Variants in BRINP3 observed in about 807,000 individuals in gnomAD.
BRINP3 encodes the protein BMP/retinoic acid inducible neural specific 3.
BRINP3 carries 19 observed loss-of-function variants against 71.0 expected under a neutral mutation model. The ratio of observed to expected loss-of-function variants is 0.27; its 90% CI spans 0.19 to 0.39. The LOEUF (loss-of-function observed/expected upper bound fraction) is 0.39, where lower values mean the gene tolerates loss of function less well. BRINP3 is among the 10% of genes least tolerant of loss of function. The probability of loss-of-function intolerance (pLI) is 1.00; values close to 1 mark genes in which losing one functional copy is unlikely to be tolerated. For synonymous variants in BRINP3, 380 were observed against 337.7 expected, an observed-to-expected ratio of 1.13 and a Z score of -1.37; for missense variants, 959 against 940.8, an observed-to-expected ratio of 1.02 and a Z score of -0.25.
At chr1:190,346,786 T>A (rs1223543713) in intron 2 of BRINP3, among the ~76,000 whole-genome samples, 1 of 152,124 alleles carries the variant, frequency 6.6e-6, no homozygotes, top group Non-Finnish European at 1.5e-5. Context: ...TTACATCTTC[T>A]TAGTTAACCA....
chr1:190,239,577 G>C (rs1323447947), intron 4 of BRINP3, among the ~76,000 whole-genome samples: 1 of 151,994 alleles, frequency 6.6e-6, no homozygotes, highest in Non-Finnish European at 1.5e-5. Flanking sequence ...TCTAGGACAT[G>C]GTTGCTGAAA....
rs112829253 is a variant in BRINP3 at position 190,160,890 on chromosome 1, T to C, written c.962A>G (p.Asp321Gly). 1 of 1,585,514 alleles carries C rather than the reference T, an allele frequency of 6.3e-7. No individual in the cohort carries two copies. The highest frequency in any genetic ancestry group is 1.1e-5 in the South Asian group (1 of 86,982). Residue 321 changes from aspartate (D) to glycine (G), a missense_variant and splice_region_variant, in exon 7 of 8, where the codon GAT (aspartate) becomes GGT (glycine). Physicochemically the swap from Asp to Gly is moderately conservative, Grantham distance 94. Transcript: ENST00000367462. ...CCTTTTCATAAATAACTTGAATTCA[T>C]CTGAAAAATGTCAAAATTCAACACT... ...KAYNSDFEES[D>G]EFKLFMKRLP...
intron 1 of BRINP3, among the ~76,000 whole-genome samples, chr1:190,468,863 AT>A (rs959359058): frequency 2.9e-4 from 43 of 149,356 alleles, no homozygotes; most frequent in African/African-American, 5.6e-4. Context: ...TGTCCTTTAA[AT>A]TTTTTTTTTC....
intron 2 of BRINP3, among the ~76,000 whole-genome samples, chr1:190,346,266 A>G (rs1459971970): frequency 6.6e-6 from 1 of 152,044 alleles, no homozygotes; most frequent in African/African-American, 2.4e-5. Context: ...TATAATCAAA[A>G]AAGTGAAGAT....
chr1:190,434,197 C>A (rs768713811), intron 2 of BRINP3, among the ~76,000 whole-genome samples: 1 of 152,042 alleles, frequency 6.6e-6, no homozygotes, highest in African/African-American at 2.4e-5. Context: ...CGACTCACTG[C>A]AGCCTCCGCC....
rs544226361 is a variant in BRINP3, at chr1:190,247,810, G to C, written c.619-13333C>G. ...CTCCTCCAAGCTATTCCATGTTGGC[G>C]CGACATGATTCTACGGATTTTTAAA... On this transcript the variant is annotated intron_variant, in intron 4 of 7. Transcript: ENST00000367462. Among the ~76,000 whole-genome samples, 30 of 151,876 alleles carry C rather than the reference G, an allele frequency of 2.0e-4. No homozygotes were observed. In the South Asian group the frequency reaches 4.2e-3, roughly 21 times the overall value.
intron 2 of BRINP3, among the ~76,000 whole-genome samples, chr1:190,283,011 C>A (rs2102941460): frequency 6.6e-6 from 1 of 152,008 alleles, no homozygotes; most frequent in South Asian, 2.1e-4. Context: ...GAACAGTGTA[C>A]ATACTTCCAG....
intron 7 of BRINP3, among the ~76,000 whole-genome samples, chr1:190,156,694 T>C (rs927263641): frequency 1.2e-4 from 18 of 151,996 alleles, no homozygotes; most frequent in Non-Finnish European, 1.0e-4. Flanking sequence ...TGGTGACTAA[T>C]AGTCAACTTA....
chr1:190,108,078 G>A (rs1446809253), intron 7 of BRINP3, among the ~76,000 whole-genome samples: 1 of 149,244 alleles, frequency 6.7e-6, no homozygotes, highest in Non-Finnish European at 1.5e-5. Flanking sequence ...CAGAAACTGG[G>A]CCATTAAAAA....
At chr1:190,207,709 C>CT (rs1223275632) in intron 6 of BRINP3, among the ~76,000 whole-genome samples, 2 of 152,100 alleles carry the variant, frequency 1.3e-5, no homozygotes, top group Non-Finnish European at 2.9e-5. Flanking sequence ...TGTGGCTACA[C>CT]TTCACAAAGT....
intron 4 of BRINP3, among the ~76,000 whole-genome samples, chr1:190,237,165 T>C (rs533836564): frequency 1.3e-5 from 2 of 152,016 alleles, no homozygotes; most frequent in South Asian, 2.1e-4. Context: ...ATTCGCAATA[T>C]ACAATGATAT....
intron 1 of BRINP3, among the ~76,000 whole-genome samples, chr1:190,458,325 G>C (rs1571366421): frequency 6.6e-6 from 1 of 152,148 alleles, no homozygotes; most frequent in East Asian, 1.9e-4. Context: ...TGAACAAATT[G>C]AGATATCCCA....
At chr1:190,265,131 G>T in intron 3 of BRINP3, 76 bp from the exon 4 acceptor site, 1 of 1,314,178 alleles carries the variant, frequency 7.6e-7, no homozygotes, top group Admixed American at 2.4e-5. Flanking sequence ...AGGTGGAAAG[G>T]TCTAGCTTAT....
rs115654945 is a variant in BRINP3, at chr1:190,469,235, T to C, written c.-51+8213A>G. 7.1e-3 allele frequency among the ~76,000 whole-genome samples: 1,070 copies of C among 151,228 alleles called. 12 individuals are homozygous for C. Among genetic ancestry groups the C allele is most frequent in the African/African-American group, 0.025 (1,031 of 41,498 alleles). ...TGAAACATATAGTCTTCTTCCTCAT[T>C]ATTGTTTGGTATAATCTTGACAATA... On this transcript the variant is annotated intron_variant, in intron 1 of 7. Coordinates refer to ENST00000367462, the MANE Select transcript of BRINP3 (RefSeq NM_199051.3).
chr1:190,352,097 A>G (rs1218312675), intron 2 of BRINP3, among the ~76,000 whole-genome samples: 1 of 152,090 alleles, frequency 6.6e-6, no homozygotes, highest in African/African-American at 2.4e-5. Context: ...AAAATTCAGG[A>G]CAATGTATCA....
At chr1:190,100,977 G>A (rs147326113) in intron 7 of BRINP3, among the ~76,000 whole-genome samples, 2,629 of 152,154 alleles carry the variant, frequency 0.017, 71 homozygotes, top group African/African-American at 0.059. Flanking sequence ...TTGGGAGTTA[G>A]TTTCTTATAA....
At chr1:190,448,433 CT>C (rs972604661) in intron 2 of BRINP3, among the ~76,000 whole-genome samples, 2 of 148,968 alleles carry the variant, frequency 1.3e-5, no homozygotes, top group African/African-American at 4.9e-5. Flanking sequence ...TTTAAATAAT[CT>C]TTTTTCTTAA....
chr1:190,446,609 G>C (rs1224167514), intron 2 of BRINP3, among the ~76,000 whole-genome samples: 1 of 151,992 alleles, frequency 6.6e-6, no homozygotes, highest in African/African-American at 2.4e-5. Flanking sequence ...GTACATTTTT[G>C]TTTTAATGCT....
At chr1:190,277,063 T>A (rs1451058250) in intron 3 of BRINP3, among the ~76,000 whole-genome samples, 1 of 114,438 alleles carries the variant, frequency 8.7e-6, no homozygotes, top group Non-Finnish European at 1.9e-5. Flanking sequence ...TATTGTCTAT[T>A]TGATCCTGAA....
Sources: allele counts gnomAD v4.1 joint callset (sites outside exome capture counted in the v4.1 genomes callset), GRCh38; gene constraint gnomAD v4.1.1; transcripts MANE v1.5; gene names NCBI Gene and HGNC (gene_info 2026-07-23, HGNC 2026-07-21).